Variants in DENND5A observed in about 807,000 individuals in gnomAD.
DENND5A encodes DENN domain containing 5A, also known as DENN domain-containing protein 5A.
Under a neutral mutation model 140.3 loss-of-function variants are expected in DENND5A, and 64 were observed. The observed-to-expected ratio is 0.46, with a 90% CI of 0.37 to 0.56. The LOEUF (loss-of-function observed/expected upper bound fraction) is 0.56, where lower values mean the gene tolerates loss of function less well. DENND5A is among the 20% of genes least tolerant of loss of function. The pLI is 0.00. For missense variants in DENND5A, 1,292 were observed against 1,593.8 expected (o/e 0.81, Z 3.22); for synonymous variants, 605 against 607.7 (o/e 1.00, Z 0.07).
chr11:9,139,957 C>T lies in DENND5A; in HGVS notation c.3681-103G>A. 4.9e-6 allele frequency: 6 copies of T among 1,229,292 alleles called. 1 individual carries two copies. The South Asian group carries it at 8.7e-5, about 18-fold the overall frequency. 76.1% of individuals were successfully genotyped at this position (1,229,292 alleles called of 1,614,324 possible). ...GGGAAACCATGAACTAAGTCTGAAG[C>T]TGGAGAAGCTGACAGCCCCCCACAC... On this transcript the variant is annotated intron_variant, in intron 22 of 22. Transcript: ENST00000328194.
In DENND5A at chr11:9,157,456, G is replaced by A. The variant is rs138394830; in HGVS notation, c.2436+3257C>T. Reference sequence around the variant, plus strand: ...ATGTAATAAGCCTCGTACCCCACAGGTAGTTTTTCAGTCCTCTCCCTCCTC... The same window carrying A: ...ATGTAATAAGCCTCGTACCCCACAGATAGTTTTTCAGTCCTCTCCCTCCTC... On this transcript the variant is annotated intron_variant, in intron 12 of 22. Transcript: ENST00000328194. Among the ~76,000 whole-genome samples, 58 of 152,268 alleles carry A rather than the reference G, an allele frequency of 3.8e-4. No homozygotes were observed. The East Asian group carries it at 0.011, about 28-fold the overall frequency.
At chr11:9,195,019 C>A (rs938558496) in intron 4 of DENND5A, among the ~76,000 whole-genome samples, 3 of 137,262 alleles carry the variant, frequency 2.2e-5, no homozygotes, top group East Asian at 4.3e-4. Context: ...GCCCAGCCAG[C>A]CTTTTTTTTT....
At chr11:9,146,757 T>A in intron 16 of DENND5A, 1 of 306,504 alleles carries the variant, frequency 3.3e-6, no homozygotes, top group East Asian at 6.1e-5. Flanking sequence ...TCCACCTTCA[T>A]CAGCTTAGGC....
At chr11:9,175,206 A>G (rs1848507387) in intron 8 of DENND5A, 1 of 152,188 alleles carries the variant, frequency 6.6e-6, no homozygotes, top group African/African-American at 2.4e-5. Context: ...TAAAATTAAG[A>G]AAGCAATAAA....
intron 1 of DENND5A, among the ~76,000 whole-genome samples, chr11:9,259,989 T>C (rs563301850): frequency 1.9e-4 from 26 of 134,402 alleles, no homozygotes; most frequent in African/African-American, 6.2e-4. Flanking sequence ...GATCACGCCA[T>C]TGCACTCCAG....
chr11:9,230,439 C>G (rs972963354), intron 1 of DENND5A, among the ~76,000 whole-genome samples: 11 of 151,700 alleles, frequency 7.3e-5, no homozygotes, highest in Non-Finnish European at 1.5e-4. Context: ...CAGGTTCTCA[C>G]CGTTTTTCCC....
rs190631274 is a variant in DENND5A, at chr11:9,142,849, C to T, written c.3388-4G>A. On this transcript the variant is annotated splice_polypyrimidine_tract_variant and splice_region_variant and intron_variant, in intron 20 of 22. Coordinates refer to ENST00000328194, the MANE Select transcript of DENND5A (RefSeq NM_015213.4). ...GCAACAGCGTCAGACTGCCTCGCTA[C>T]GTAAGGAAACAGGGGAGGGTGCCAG... 2.5e-5 allele frequency: 40 copies of T among 1,613,822 alleles called. No individual in the cohort carries two copies. The Admixed American group carries it at 3.8e-4, about 15-fold the overall frequency.
chr11:9,183,800 G>A (rs766418647), intron 5 of DENND5A, among the ~76,000 whole-genome samples: 1 of 152,088 alleles, frequency 6.6e-6, no homozygotes, highest in Non-Finnish European at 1.5e-5. Context: ...CAACCATTTT[G>A]TTGTGTGTAG....
At chr11:9,197,439 T>C (rs1013195511) in intron 4 of DENND5A, among the ~76,000 whole-genome samples, 3 of 150,620 alleles carry the variant, frequency 2.0e-5, no homozygotes, top group Non-Finnish European at 4.4e-5. Flanking sequence ...CTCACGCCTG[T>C]AATCCCAACA....
chr11:9,180,679 T>TG, intron 6 of DENND5A, 88 bp downstream of exon 6: 2 of 1,285,798 alleles, frequency 1.6e-6, no homozygotes, highest in East Asian at 4.7e-5. Flanking sequence ...TGTCCAGAAC[T>TG]GGGTGCTTTC....
chr11:9,141,887 A>C (rs967019988), intron 22 of DENND5A, 53 bp downstream of exon 22: 6 of 1,494,282 alleles, frequency 4.0e-6, no homozygotes, highest in Admixed American at 2.2e-5. Flanking sequence ...CAGGCCTCCA[A>C]CACCACCACC....
chr11:9,177,459 C>T (rs1049068457), intron 8 of DENND5A, among the ~76,000 whole-genome samples: 4 of 150,068 alleles, frequency 2.7e-5, no homozygotes, highest in Admixed American at 6.6e-5. Flanking sequence ...GAAGACCAGA[C>T]GGAGCATAGC....
chr11:9,244,879 G>C (rs1433757133), intron 1 of DENND5A, among the ~76,000 whole-genome samples: 1 of 151,828 alleles, frequency 6.6e-6, no homozygotes, highest in African/African-American at 2.4e-5. Flanking sequence ...GTTTCGCCGT[G>C]TTGCCGGGGC....
At chr11:9,205,104 G>A (rs1849652121) in intron 3 of DENND5A, among the ~76,000 whole-genome samples, 1 of 152,106 alleles carries the variant, frequency 6.6e-6, no homozygotes, top group Admixed American at 6.5e-5. Context: ...CTTGTAAATA[G>A]TATTGGACTA....
chr11:9,222,092 C>T (rs2136236788), intron 1 of DENND5A, among the ~76,000 whole-genome samples: 1 of 152,246 alleles, frequency 6.6e-6, no homozygotes, highest in Middle Eastern at 3.4e-3. Flanking sequence ...TTTACAAATG[C>T]AGGGGTCTTT....
intron 4 of DENND5A, among the ~76,000 whole-genome samples, chr11:9,197,133 C>T (rs1019979209): frequency 4.6e-5 from 7 of 150,550 alleles, no homozygotes; most frequent in African/African-American, 1.5e-4. Flanking sequence ...AGCAAAACCC[C>T]GTCTCTACTA....
In DENND5A at chr11:9,145,502, C is replaced by T. The variant is rs1047313379; in HGVS notation, c.3003+168G>A. On this transcript the variant is annotated intron_variant, in intron 17 of 22. Transcript: ENST00000328194. ...GTTTAGACAGGGTGGGGTCCCCCTC[C>T]TCAGGGTCAGTCTTTGGATCCAGCC... The T allele has an allele frequency of 5.1e-6, 4 of 781,326 alleles. No individual in the cohort carries two copies. The African/African-American group carries it at 6.9e-5, about 14-fold the overall frequency. 48.4% of individuals were successfully genotyped at this position (781,326 alleles called of 1,614,324 possible). A position where few individuals can be genotyped will look rare whatever the true frequency, so the allele number is the denominator to read the frequency against.
intron 8 of DENND5A, among the ~76,000 whole-genome samples, chr11:9,177,235 C>T (rs1285258482): frequency 7.2e-6 from 1 of 138,052 alleles, no homozygotes; most frequent in African/African-American, 2.8e-5. Flanking sequence ...GCCTAGGCAA[C>T]TGAGTGAGAC....
intron 15 of DENND5A, among the ~76,000 whole-genome samples, chr11:9,147,518 G>A (rs766986057): frequency 1.3e-5 from 2 of 152,224 alleles, no homozygotes; most frequent in Non-Finnish European, 2.9e-5. Flanking sequence ...AGTGTATGGT[G>A]TGTGAGTGGC....
Sources: gnomAD v4.1 joint callset for allele counts (sites outside exome capture counted in the v4.1 genomes callset) on GRCh38, gnomAD v4.1.1 for gene constraint, MANE v1.5 for transcripts, NCBI Gene and HGNC (gene_info 2026-07-23, HGNC 2026-07-21) for gene names.